ARHGAP26: variants seen among roughly 807,000 people sequenced by gnomAD.
ARHGAP26 encodes rho GTPase-activating protein 26.
A neutral mutation model predicts 104.8 loss-of-function variants in ARHGAP26; 38 were observed. The ratio of observed to expected loss-of-function variants is 0.36; its 90% CI spans 0.28 to 0.48. The LOEUF is 0.48. ARHGAP26 is among the 20% of genes least tolerant of loss of function. The probability of loss-of-function intolerance (pLI) is 0.99; values close to 1 mark genes in which losing one functional copy is unlikely to be tolerated. For missense variants in ARHGAP26, 704 were observed against 947.9 expected (o/e 0.74, Z 3.38); for synonymous variants, 341 against 340.0 (o/e 1.00, Z -0.03).
intron 20 of ARHGAP26, among the ~76,000 whole-genome samples, chr5:143,194,675 G>A (rs377758858): frequency 1.6e-4 from 25 of 152,138 alleles, no homozygotes; most frequent in South Asian, 1.0e-3. Context: ...AGAACTAGAA[G>A]AGAATATAAA....
chr5:142,861,961 A>G (rs1346322524), intron 1 of ARHGAP26, among the ~76,000 whole-genome samples: 1 of 152,196 alleles, frequency 6.6e-6, no homozygotes, highest in Non-Finnish European at 1.5e-5. Flanking sequence ...GTTGGTAGGA[A>G]CAGTGCAGGG....
At chr5:142,998,222 A>G (rs541837087) in intron 11 of ARHGAP26, among the ~76,000 whole-genome samples, 2 of 152,288 alleles carry the variant, frequency 1.3e-5, no homozygotes, top group African/African-American at 2.4e-5. Flanking sequence ...TTGTATATTT[A>G]TATATTCCTT....
rs958391429 is a variant in ARHGAP26 at position 143,228,237 on chromosome 5, ATG to A, written c.*5801_*5802del. 2.2e-5 allele frequency: 5 copies of A among 224,156 alleles called. No individual in the cohort carries two copies. Among genetic ancestry groups the A allele is most frequent in the South Asian group, 3.7e-4 (2 of 5,450 alleles). 13.9% of individuals were successfully genotyped at this position (224,156 alleles called of 1,614,324 possible). Reference sequence around the variant, plus strand: ...CATCTGTTGATTCTAAAGTATATTTATGTGTGTGTGTATGTGTGTGTATACAG... The same window carrying A: ...CATCTGTTGATTCTAAAGTATATTTATGTGTGTGTATGTGTGTGTATACAG... On this transcript the variant is annotated 3_prime_UTR_variant, in exon 23 of 23. Coordinates refer to ENST00000645722, the MANE Select transcript of ARHGAP26 (RefSeq NM_001135608.3).
intron 11 of ARHGAP26, among the ~76,000 whole-genome samples, chr5:142,959,756 TTTAATTGTATC>T (rs1252848435): frequency 6.6e-6 from 1 of 152,250 alleles, no homozygotes; most frequent in Admixed American, 6.5e-5. Flanking sequence ...GACTTGGGAC[TTTAATTGTATC>T]TGCAAAACCC....
At chr5:143,209,796 AG>A (rs1029215373) in intron 21 of ARHGAP26, among the ~76,000 whole-genome samples, 6 of 150,530 alleles carry the variant, frequency 4.0e-5, no homozygotes, top group African/African-American at 1.5e-4. Flanking sequence ...AAAAAAAAAT[AG>A]TCAAGGCAGA....
Position 143,226,890 on chromosome 5 carries a change from T to C in ARHGAP26, c.*4444T>C, listed in dbSNP as rs1285726742. ...GCATCCCAAGGCACTTGCCCAGAGC[T>C]GCAGAGTTGTGTGTGCCATACCTGC... On this transcript the variant is annotated 3_prime_UTR_variant, in exon 23 of 23. Coordinates refer to ENST00000645722, the MANE Select transcript of ARHGAP26 (RefSeq NM_001135608.3). 4.4e-6 allele frequency: 1 copy of C among 226,328 alleles called. No homozygotes were observed. Among genetic ancestry groups the C allele is most frequent in the Non-Finnish European group, 8.8e-6 (1 of 113,854 alleles). 14.0% of individuals were successfully genotyped at this position (226,328 alleles called of 1,614,324 possible).
At chr5:143,142,611 A>G (rs1311015816) in intron 19 of ARHGAP26, among the ~76,000 whole-genome samples, 1 of 152,168 alleles carries the variant, frequency 6.6e-6, no homozygotes, top group Non-Finnish European at 1.5e-5. Context: ...GCCTGAAATG[A>G]GACCACCTCA....
intron 6 of ARHGAP26, among the ~76,000 whole-genome samples, chr5:142,900,994 T>C (rs1760253795): frequency 6.6e-6 from 1 of 152,150 alleles, no homozygotes; most frequent in Non-Finnish European, 1.5e-5. Context: ...GGGCTTTTAT[T>C]ATAATCCTTT....
chr5:142,772,777 C>A (rs752483309), intron 1 of ARHGAP26: 2 of 533,468 alleles, frequency 3.7e-6, no homozygotes, highest in Non-Finnish European at 7.7e-6. Context: ...CTCACTTGCC[C>A]GGAATGGAAC....
At chr5:142,800,667 G>A (rs1295057227) in intron 1 of ARHGAP26, among the ~76,000 whole-genome samples, 1 of 152,100 alleles carries the variant, frequency 6.6e-6, no homozygotes, top group Non-Finnish European at 1.5e-5. Flanking sequence ...CAGCCTCAAG[G>A]TCTTTTATCT....
At chr5:142,953,757 G>A (rs748603305) in intron 11 of ARHGAP26, among the ~76,000 whole-genome samples, 15 of 152,174 alleles carry the variant, frequency 9.9e-5, no homozygotes, top group Admixed American at 4.6e-4. Context: ...GAATTTTACC[G>A]TGTCCCCTGT....
intron 5 of ARHGAP26, among the ~76,000 whole-genome samples, chr5:142,892,966 T>TCCCAC: frequency 1.0e-5 from 1 of 97,664 alleles, no homozygotes; most frequent in Admixed American, 1.2e-4. Context: ...TCTTCATCCT[T>TCCCAC]CCCACCCCAC....
At position 143,228,038 on chromosome 5, in the gene ARHGAP26, T is replaced by C. The variant is rs947662745; in HGVS notation, c.*5592T>C. The C allele has an allele frequency of 4.5e-6, 1 of 220,332 alleles. No homozygotes were observed. Among genetic ancestry groups the C allele is most frequent in the Non-Finnish European group, 9.1e-6 (1 of 109,940 alleles). The allele number at this position is 220,332 out of a possible 1,614,324, so 13.6% of individuals were successfully genotyped here. ...GACATGTCCATGTCAAAATTCACTT[T>C]AGTCAGAACCAGAGTATTGATAAAC... On this transcript the variant is annotated 3_prime_UTR_variant, in exon 23 of 23. Transcript: ENST00000645722.
intron 11 of ARHGAP26, among the ~76,000 whole-genome samples, chr5:143,007,377 G>A (rs1778142866): frequency 6.6e-6 from 1 of 152,148 alleles, no homozygotes; most frequent in South Asian, 2.1e-4. Flanking sequence ...TCTCAAGCTG[G>A]TTGTGGTTTT....
intron 20 of ARHGAP26, among the ~76,000 whole-genome samples, chr5:143,206,273 TTCTC>T (rs1381168529): frequency 6.6e-6 from 1 of 152,252 alleles, no homozygotes; most frequent in Non-Finnish European, 1.5e-5. Flanking sequence ...CTGAACTGGT[TTCTC>T]TCTGTCATTG....
chr5:143,004,953 T>A (rs936941110), intron 11 of ARHGAP26, among the ~76,000 whole-genome samples: 4 of 152,100 alleles, frequency 2.6e-5, no homozygotes, highest in African/African-American at 9.7e-5. Flanking sequence ...TAGGAACTGA[T>A]TGGATATGTG....
At chr5:142,941,737 A>G (rs1036080156) in intron 11 of ARHGAP26, among the ~76,000 whole-genome samples, 2 of 152,232 alleles carry the variant, frequency 1.3e-5, no homozygotes, top group East Asian at 1.9e-4. Flanking sequence ...TATTTAATTA[A>G]CCAACCTGAG....
At chr5:142,923,857 CTTT>C (rs11389284) in intron 10 of ARHGAP26, among the ~76,000 whole-genome samples, 3 of 105,870 alleles carry the variant, frequency 2.8e-5, no homozygotes, top group Non-Finnish European at 5.5e-5. Flanking sequence ...GGATCAGATC[CTTT>C]TTTTTTTTTT....
chr5:143,192,767 C>A (rs191974567), intron 20 of ARHGAP26: 1 of 152,250 alleles, frequency 6.6e-6, no homozygotes, highest in Admixed American at 6.5e-5. Context: ...TGGATCTAAC[C>A]CTCAGCACAT....
Sources: allele counts gnomAD v4.1 joint callset (sites outside exome capture counted in the v4.1 genomes callset), GRCh38; gene constraint gnomAD v4.1.1; transcripts MANE v1.5; gene names NCBI Gene and HGNC (gene_info 2026-07-23, HGNC 2026-07-21).